ZC3H12B: variants seen among roughly 807,000 people sequenced by gnomAD.
ZC3H12B encodes zinc finger CCCH-type containing 12B, also known as probable ribonuclease ZC3H12B.
A neutral mutation model predicts 43.9 loss-of-function variants in ZC3H12B; 7 were observed. The observed-to-expected ratio is 0.16, with a 90% CI of 0.09 to 0.30. ZC3H12B has a LOEUF of 0.30. Among genes scored for constraint, ZC3H12B ranks in the 10% least tolerant of loss-of-function variants. The pLI is 1.00. For missense variants in ZC3H12B, 475 were observed against 670.2 expected, an observed-to-expected ratio of 0.71 and a Z score of 3.22; for synonymous variants, 222 against 241.7, an observed-to-expected ratio of 0.92 and a Z score of 0.76.
chrX:65,380,037 G>A (rs189005886), intron 2 of ZC3H12B, among the ~76,000 whole-genome samples: 221 of 112,207 alleles, frequency 2.0e-3, no homozygotes, highest in Non-Finnish European at 2.9e-3. Context: ...CACTCTGCAG[G>A]ATATTATCCA....
the ZC3H12B span, among the ~76,000 whole-genome samples, chrX:65,069,416 T>C: frequency 2.7e-5 from 3 of 110,111 alleles, no homozygotes; most frequent in Non-Finnish European, 5.7e-5. Flanking sequence ...TCGGTTCTGC[T>C]ACTGAAGGAC....
At chrX:65,468,823 G>A (rs1007670985) in intron 3 of ZC3H12B, among the ~76,000 whole-genome samples, 25 of 109,702 alleles carry the variant, frequency 2.3e-4, no homozygotes, top group Admixed American at 2.2e-3. Context: ...CACTGAATCT[G>A]TAGATTGCTT....
the ZC3H12B span, among the ~76,000 whole-genome samples, chrX:65,212,161 A>G: frequency 1.9e-5 from 1 of 51,695 alleles, no homozygotes; most frequent in Non-Finnish European, 3.1e-5. Context: ...ATATTAGTAT[A>G]TAATATATAA....
intron 2 of ZC3H12B, among the ~76,000 whole-genome samples, chrX:65,392,403 G>A (rs755746931): frequency 2.3e-3 from 259 of 110,392 alleles, no homozygotes; most frequent in Non-Finnish European, 3.3e-3. Flanking sequence ...ACTGAGGAGC[G>A]CCTCTGTCCA....
At chrX:65,331,504 A>C in the ZC3H12B span, among the ~76,000 whole-genome samples, 1 of 110,804 alleles carries the variant, frequency 9.0e-6, no homozygotes, top group African/African-American at 3.3e-5. Context: ...ATGGAAAGAT[A>C]GTAGTCTAAG....
chrX:65,429,654 C>A (rs774778410), intron 3 of ZC3H12B, among the ~76,000 whole-genome samples: 27 of 111,972 alleles, frequency 2.4e-4, no homozygotes, highest in Admixed American at 1.3e-3. Flanking sequence ...AGACTGTTCA[C>A]CATGAGACCA....
intron 3 of ZC3H12B, among the ~76,000 whole-genome samples, chrX:65,436,017 T>C (rs1032119729): frequency 3.6e-5 from 4 of 112,052 alleles, no homozygotes. Context: ...ACAGGTTAAA[T>C]TGACTCATGG....
chrX:65,075,049 C>T, the ZC3H12B span, among the ~76,000 whole-genome samples: 2 of 111,761 alleles, frequency 1.8e-5, no homozygotes, highest in Non-Finnish European at 3.8e-5. Flanking sequence ...AGAAAATGAC[C>T]ACCTCACCAA....
At chrX:65,423,469 A>G (rs917097319) in intron 3 of ZC3H12B, among the ~76,000 whole-genome samples, 2 of 112,131 alleles carry the variant, frequency 1.8e-5, no homozygotes, top group African/African-American at 3.2e-5. Context: ...TAATTTACAC[A>G]TCCAACAGTG....
chrX:65,094,230 G>A, the ZC3H12B span, among the ~76,000 whole-genome samples: 3 of 107,100 alleles, frequency 2.8e-5, no homozygotes, highest in East Asian at 5.7e-4. Context: ...CTTCCTGTGC[G>A]GCCTGTGGAA....
At chrX:65,386,960 G>A (rs1323615163) in intron 2 of ZC3H12B, among the ~76,000 whole-genome samples, 1 of 111,914 alleles carries the variant, frequency 8.9e-6, no homozygotes, top group Non-Finnish European at 1.9e-5. Context: ...GCGATTTTGA[G>A]TGAGTTTCTT....
At chrX:65,248,672 G>A in the ZC3H12B span, among the ~76,000 whole-genome samples, 1 of 111,431 alleles carries the variant, frequency 9.0e-6, no homozygotes, top group Non-Finnish European at 1.9e-5. Flanking sequence ...TTCCATAGTG[G>A]TTTTACTAGT....
chrX:65,392,514 G>A (rs1473799386), intron 2 of ZC3H12B, among the ~76,000 whole-genome samples: 1 of 112,225 alleles, frequency 8.9e-6, no homozygotes, highest in East Asian at 2.9e-4. Flanking sequence ...GGGAGGTGAG[G>A]GGCGCCCCCG....
chrX:65,250,040 A>G, the ZC3H12B span, among the ~76,000 whole-genome samples: 1 of 110,140 alleles, frequency 9.1e-6, no homozygotes. Flanking sequence ...TGCATTCATT[A>G]TCTCATCATT....
chrX:65,311,972 C>T, the ZC3H12B span, among the ~76,000 whole-genome samples: 2 of 110,914 alleles, frequency 1.8e-5, no homozygotes, highest in South Asian at 3.9e-4. Context: ...GGGTGGGGAA[C>T]ATCACACCCC....
At chrX:65,211,932 A>G in the ZC3H12B span, among the ~76,000 whole-genome samples, 1 of 73,504 alleles carries the variant, frequency 1.4e-5, no homozygotes, top group African/African-American at 5.7e-5. Flanking sequence ...AATATATAAT[A>G]TATGTTATGT....
the ZC3H12B span, chrX:65,357,294 A>G: frequency 7.0e-6 from 2 of 286,541 alleles, no homozygotes; most frequent in Non-Finnish European, 1.3e-5. Flanking sequence ...TATAAGAGTG[A>G]CATTTGCTTC....
the ZC3H12B span, among the ~76,000 whole-genome samples, chrX:65,282,752 A>G: frequency 6.3e-5 from 7 of 111,497 alleles, no homozygotes; most frequent in Non-Finnish European, 1.1e-4. Context: ...GGACACCTAC[A>G]CCCTCCCAAG....
chrX:65,259,240 A>T, the ZC3H12B span, among the ~76,000 whole-genome samples: 51 of 111,920 alleles, frequency 4.6e-4, no homozygotes, highest in Non-Finnish European at 8.1e-4. Flanking sequence ...ATCAGAATAG[A>T]GAGCACAGAA....
Sources: gnomAD v4.1 joint callset for allele counts (sites outside exome capture counted in the v4.1 genomes callset) on GRCh38, gnomAD v4.1.1 for gene constraint, MANE v1.5 for transcripts, NCBI Gene and HGNC (gene_info 2026-07-23, HGNC 2026-07-21) for gene names.